FBXO45: variants seen among roughly 807,000 people sequenced by gnomAD.
FBXO45 encodes F-box/SPRY domain-containing protein 1.
A neutral mutation model predicts 25.5 loss-of-function variants in FBXO45; 3 were observed. The observed-to-expected ratio is 0.12, with a 90% CI of 0.05 to 0.30. FBXO45 has a LOEUF of 0.30. Ranked by LOEUF, FBXO45 falls within the 10% of genes least tolerant of loss-of-function variation. The pLI is 1.00. For missense variants in FBXO45, 219 were observed against 365.0 expected (o/e 0.60, Z 3.26); for synonymous variants, 155 against 149.8 (o/e 1.03, Z -0.25).
intron 1 of FBXO45, among the ~76,000 whole-genome samples, chr3:196,575,135 G>A (rs1466856395): frequency 1.3e-5 from 2 of 152,196 alleles, no homozygotes; most frequent in Admixed American, 6.5e-5. Flanking sequence ...GATCAGTTCA[G>A]GGAAATAGGA....
chr3:196,581,462 C>A (rs1736012098), intron 2 of FBXO45, among the ~76,000 whole-genome samples: 1 of 151,868 alleles, frequency 6.6e-6, no homozygotes, highest in African/African-American at 2.4e-5. Context: ...ATCTCTTGAC[C>A]TCGTGATCCG....
intron 2 of FBXO45, among the ~76,000 whole-genome samples, chr3:196,583,162 A>T (rs77648819): frequency 2.0e-5 from 3 of 152,120 alleles, no homozygotes; most frequent in Non-Finnish European, 4.4e-5. Flanking sequence ...TTCAGGGTCT[A>T]TCTATGTTGT....
intron 2 of FBXO45, among the ~76,000 whole-genome samples, chr3:196,578,825 T>C (rs1735961488): frequency 6.6e-6 from 1 of 152,196 alleles, no homozygotes; most frequent in Non-Finnish European, 1.5e-5. Flanking sequence ...GCTGATTAGC[T>C]ATCTTTAGTG....
chr3:196,579,091 C>T (rs530681859), intron 2 of FBXO45, among the ~76,000 whole-genome samples: 3 of 152,260 alleles, frequency 2.0e-5, no homozygotes, highest in South Asian at 2.1e-4. Flanking sequence ...TTCTTTTCAT[C>T]TTAGGCTTAA....
chr3:196,580,566 C>G (rs546841319), intron 2 of FBXO45, among the ~76,000 whole-genome samples: 1 of 152,172 alleles, frequency 6.6e-6, no homozygotes, highest in Non-Finnish European at 1.5e-5. Context: ...CTCAAGTGAT[C>G]CACCTGCCTT....
rs1216974187 is a variant in FBXO45 at position 196,577,801 on chromosome 3, A to G, written c.667A>G (p.Lys223Glu). The change falls in exon 2 of 3, where the codon AAA becomes GAA. Residue 223 changes from lysine (K) to glutamate (E), a missense_variant. By Grantham distance (56) the Lys-to-Glu change is moderately conservative. Around this residue, in one of 4 missense-constraint regions of FBXO45, gnomAD observed 34 missense variants for 48.2 expected, o/e 0.70. Transcript: ENST00000311630. ...GSFPQCNNAPKYQIGERIRVI... is the reference protein window; with the variant it reads ...GSFPQCNNAPEYQIGERIRVI... ...TTTTCCACAGTGCAACAACGCACCA[A>G]AATATCAGGTGAGAAACTGGGGTTT... The G allele has an allele frequency of 6.4e-6, 10 of 1,573,334 alleles. No individual in the cohort carries two copies. Among genetic ancestry groups the G allele is most frequent in the Non-Finnish European group, 8.7e-6 (10 of 1,149,186 alleles).
rs551544581 is a variant in FBXO45 at position 196,579,243 on chromosome 3, A to G, written c.675+1434A>G. Among the ~76,000 whole-genome samples the G allele has an allele frequency of 5.1e-4, 78 of 152,380 alleles. No homozygotes were observed. In the South Asian group the frequency reaches 0.012, roughly 23 times the overall value. On this transcript the variant is annotated intron_variant, in intron 2 of 2. Transcript: ENST00000311630. ...TAAAGAACTATAGATTGCATATTTC[A>G]GAGCCACCTGTGGCGTGAAAGTTCC...
intron 1 of FBXO45, among the ~76,000 whole-genome samples, chr3:196,571,523 G>GC (rs1735826473): frequency 6.6e-6 from 1 of 152,216 alleles, no homozygotes; most frequent in African/African-American, 2.4e-5. Flanking sequence ...ACTGCACCCA[G>GC]CCTAAATTAG....
chr3:196,587,800 GTTTC>G lies in FBXO45; in HGVS notation c.*3486_*3489del, dbSNP rs1331020267. ...TAGAAACTTAGGGAGTGGTGTGTGT[GTTTC>G]TTTTTTGGAGACAGAGTCACGCAGG... On this transcript the variant is annotated 3_prime_UTR_variant, in exon 3 of 3. Coordinates refer to ENST00000311630, the MANE Select transcript of FBXO45 (RefSeq NM_001105573.2). The G allele has an allele frequency of 6.6e-6, 1 of 152,162 alleles. No individual in the cohort carries two copies. The highest frequency in any genetic ancestry group is 2.4e-5 in the African/African-American group (1 of 41,424). 9.4% of individuals were successfully genotyped at this position (152,162 alleles called of 1,614,324 possible).
chr3:196,583,509 A>G (rs1224962260), intron 2 of FBXO45, among the ~76,000 whole-genome samples: 3 of 151,686 alleles, frequency 2.0e-5, no homozygotes, highest in East Asian at 3.9e-4. Context: ...CCGTCTCAAA[A>G]AAAAAAAAAA....
At chr3:196,577,928 A>AT (rs971723990) in intron 2 of FBXO45, 119 bp downstream of exon 2, 4 of 527,798 alleles carry the variant, frequency 7.6e-6, no homozygotes, top group Admixed American at 4.9e-5. Flanking sequence ...TATTTTTATT[A>AT]TTTTTTTATT....
intron 1 of FBXO45, among the ~76,000 whole-genome samples, chr3:196,574,216 AG>A (rs1424746875): frequency 3.3e-5 from 5 of 152,068 alleles, no homozygotes; most frequent in African/African-American, 1.2e-4. Context: ...TATAGGTGTG[AG>A]CCACCATGCC....
rs1223023383 is a variant in FBXO45 at position 196,586,228 on chromosome 3, C to T, written c.*1910C>T. The T allele has an allele frequency of 6.6e-6, 1 of 152,068 alleles. No individual in the cohort carries two copies. The highest frequency in any genetic ancestry group is 1.9e-4 in the East Asian group (1 of 5,192). 9.4% of individuals were successfully genotyped at this position (152,068 alleles called of 1,614,324 possible). ...GGACTTGTTAGGAAGTGATCAAGTC[C>T]TTTAAGTACTTGTTTCTTTTTCAGG... is the stretch of plus-strand genomic sequence containing the variant. On this transcript the variant is annotated 3_prime_UTR_variant, in exon 3 of 3. Transcript: ENST00000311630.
intron 2 of FBXO45, among the ~76,000 whole-genome samples, 198 bp from the exon 3 acceptor site, chr3:196,583,935 C>T (rs1324818236): frequency 6.6e-6 from 1 of 152,220 alleles, no homozygotes; most frequent in East Asian, 1.9e-4. Context: ...GGATTATAGG[C>T]ATGAGCCACT....
intron 2 of FBXO45, among the ~76,000 whole-genome samples, chr3:196,581,515 G>A (rs1315761012): frequency 1.3e-5 from 2 of 152,012 alleles, no homozygotes; most frequent in African/African-American, 4.8e-5. Flanking sequence ...GATTACAGGC[G>A]TGAGCCACCA....
Position 196,587,836 on chromosome 3 carries a change from T to G in FBXO45, c.*3518T>G, listed in dbSNP as rs1195845662. On this transcript the variant is annotated 3_prime_UTR_variant, in exon 3 of 3. Transcript: ENST00000311630. The stretch of plus-strand genomic sequence containing the variant: ...GGAGACAGAGTCACGCAGGCTGGAG[T>G]GCACGATCTTGACTCACTGCAACCT... The G allele has an allele frequency of 6.6e-6, 1 of 152,084 alleles. No homozygotes were observed. The highest frequency in any genetic ancestry group is 2.4e-5 in the African/African-American group (1 of 41,380). 9.4% of individuals were successfully genotyped at this position (152,084 alleles called of 1,614,324 possible).
At position 196,588,367 on chromosome 3, in the gene FBXO45, T is replaced by G. The variant is rs1320365871; in HGVS notation, c.*4049T>G. 2.0e-5 allele frequency: 3 copies of G among 152,196 alleles called. No individual in the cohort carries two copies. Among genetic ancestry groups the G allele is most frequent in the Admixed American group, 2.0e-4 (3 of 15,286 alleles). The allele number at this position is 152,196 out of a possible 1,614,324, so 9.4% of individuals were successfully genotyped here. A position where few individuals can be genotyped will look rare whatever the true frequency, so the allele number is the denominator to read the frequency against. ...GAGCCACCGTGCCAGGCCAGAAATTTAAGGAGTTTTAAAGGTTAGCATTGA... is the reference window on the plus strand; with the variant it reads ...GAGCCACCGTGCCAGGCCAGAAATTGAAGGAGTTTTAAAGGTTAGCATTGA... On this transcript the variant is annotated 3_prime_UTR_variant, in exon 3 of 3. Transcript: ENST00000311630. The surrounding 1 kb of genome is among the most constrained non-coding windows in gnomAD (Gnocchi z 4.2).
chr3:196,582,266 G>A (rs1736023403), intron 2 of FBXO45, among the ~76,000 whole-genome samples: 1 of 152,200 alleles, frequency 6.6e-6, no homozygotes, highest in Admixed American at 6.5e-5. Flanking sequence ...TAGGATTAGT[G>A]TGAGGATTAA....
rs33962634 is a variant in FBXO45, at chr3:196,581,223, C to CTTTTTTTTTTTTTT, written c.676-2895_676-2882dup. On this transcript the variant is annotated intron_variant, in intron 2 of 2. Transcript: ENST00000311630. ...TAGAATTTCCTTTTTTTTCTTTTTC[C>CTTTTTTTTTTTTTT]TTTTTTTTTTTTTTTTTTTTTTTTT... 3.6e-4 allele frequency among the ~76,000 whole-genome samples: 23 copies of CTTTTTTTTTTTTTT among 63,676 alleles called. 5 individuals are homozygous for CTTTTTTTTTTTTTT. The highest frequency in any genetic ancestry group is 4.8e-4 in the Non-Finnish European group (18 of 37,534). The allele number at this position is 63,676 out of a possible 152,430, so 41.8% of individuals were successfully genotyped here. A position where few individuals can be genotyped will look rare whatever the true frequency, so the allele number is the denominator to read the frequency against.
Sources: allele counts gnomAD v4.1 joint callset (sites outside exome capture counted in the v4.1 genomes callset), GRCh38; gene constraint gnomAD v4.1.1; regional missense constraint gnomAD v4.1.1; non-coding constraint Gnocchi (gnomAD v3.1); transcripts MANE v1.5; gene names NCBI Gene and HGNC (gene_info 2026-07-23, HGNC 2026-07-21).